The following ODF2 variants were observed in gnomAD, a reference collection of about 807,000 sequenced individuals.
ODF2 encodes the protein outer dense fiber protein 2.
In ODF2, 47 loss-of-function variants were observed where a neutral mutation model predicts 110.2. The observed-to-expected ratio is 0.43, with a 90% CI of 0.34 to 0.54. The LOEUF (loss-of-function observed/expected upper bound fraction) is 0.54. Ranked by LOEUF, ODF2 falls within the 20% of genes least tolerant of loss-of-function variation. ODF2 has a pLI of 0.03. For synonymous variants in ODF2, 352 were observed against 397.7 expected (o/e 0.89, Z 1.37); for missense variants, 812 against 1,054.5 (o/e 0.77, Z 3.19).
At chr9:128,458,640 T>C (rs1481676792) in intron 2 of ODF2, among the ~76,000 whole-genome samples, 2 of 151,108 alleles carry the variant, frequency 1.3e-5, no homozygotes, top group Admixed American at 6.6e-5. Context: ...AGCTGTACAG[T>C]ATATGTGTAA....
Position 128,494,718 on chromosome 9 carries a change from G to C in ODF2, c.1911+50G>C, listed in dbSNP as rs780168822. On this transcript the variant is annotated intron_variant, in intron 17 of 20. Transcript: ENST00000604420. The surrounding 1 kb of genome is among the most constrained non-coding windows in gnomAD (Gnocchi z 4.6). ...CACGAACTGACCCGAGCAGGGGCCCGCATACCAAGATGAGCTGCACGCCCC... is the reference window on the plus strand; with the variant it reads ...CACGAACTGACCCGAGCAGGGGCCCCCATACCAAGATGAGCTGCACGCCCC... 2.5e-6 allele frequency: 4 copies of C among 1,614,024 alleles called. No homozygotes were observed. The highest frequency in any genetic ancestry group is 1.1e-5 in the South Asian group (1 of 91,064).
rs1014052339 is a variant in ODF2 at position 128,487,876 on chromosome 9, T to C, written c.1401-14T>C. ...TTGATTCTCTCTGTCTGCTTTCACT[T>C]TGTGATCTTCCAGCCGGGTAACAGA... is the stretch of plus-strand genomic sequence containing the variant. On this transcript the variant is annotated splice_polypyrimidine_tract_variant and intron_variant, in intron 13 of 20. Coordinates refer to ENST00000604420, the Ensembl canonical transcript of ODF2. 6.2e-7 allele frequency: 1 copy of C among 1,612,808 alleles called. No individual in the cohort carries two copies. Among genetic ancestry groups the C allele is most frequent in the Non-Finnish European group, 8.5e-7 (1 of 1,179,424 alleles).
intron 4 of ODF2, among the ~76,000 whole-genome samples, chr9:128,464,156 C>CTTT (rs1288565881): frequency 8.4e-5 from 10 of 118,602 alleles, no homozygotes; most frequent in Non-Finnish European, 1.2e-4. Flanking sequence ...CCAAAAATGC[C>CTTT]TTTTTTTTTT....
intron 8 of ODF2, among the ~76,000 whole-genome samples, chr9:128,479,195 C>T (rs1156954799): frequency 3.3e-5 from 5 of 152,104 alleles, no homozygotes; most frequent in Non-Finnish European, 7.3e-5. Context: ...AACCAGAGAG[C>T]CCTTTTCTCT....
At chr9:128,483,995 T>C (rs371223560) in exon 11 of ODF2, 79 of 1,613,776 alleles carry the variant, frequency 4.9e-5, no homozygotes, top group Non-Finnish European at 6.6e-5. Flanking sequence ...GCGTGGGCAT[T>C]TGCAGGCACA....
At chr9:128,484,187 C>A in intron 11 of ODF2, 133 bp downstream of exon 11, 1 of 677,200 alleles carries the variant, frequency 1.5e-6, no homozygotes, top group East Asian at 2.6e-5. Flanking sequence ...ACAAAATACT[C>A]AGGCCTCAGA....
Position 128,485,560 on chromosome 9 carries a change from C to T in ODF2, c.1400+86C>T, listed in dbSNP as rs1156814689. ...GAGGGGCCTAGTGGCTCAGGGAAGG[C>T]CACGTGGCTGCTGTTTGTACTCTCC... On this transcript the variant is annotated intron_variant, in intron 13 of 20. Transcript: ENST00000604420. The surrounding 1 kb of genome is among the most constrained non-coding windows in gnomAD (Gnocchi z 5.0). 15 of 717,254 alleles carry T rather than the reference C, an allele frequency of 2.1e-5. No homozygotes were observed. Among genetic ancestry groups the T allele is most frequent in the Non-Finnish European group, 3.5e-5 (14 of 401,286 alleles). The allele number at this position is 717,254 out of a possible 1,614,324, so 44.4% of individuals were successfully genotyped here.
At position 128,483,540 on chromosome 9, in the gene ODF2, G is replaced by A. The variant is rs1421543218; in HGVS notation, c.988-398G>A. On this transcript the variant is annotated intron_variant, in intron 10 of 20. Coordinates refer to ENST00000604420, the Ensembl canonical transcript of ODF2. Reference sequence around the variant, plus strand: ...TGAGGCTGCAATGAGTCATGGTCACGCCACTGCACTCCAGCCTTGGCAACA... The same window carrying A: ...TGAGGCTGCAATGAGTCATGGTCACACCACTGCACTCCAGCCTTGGCAACA... Among the ~76,000 whole-genome samples, 5 of 150,052 alleles carry A rather than the reference G, an allele frequency of 3.3e-5. No individual in the cohort carries two copies. In the South Asian group the frequency reaches 1.1e-3, roughly 32 times the overall value.
chr9:128,455,553 CAAAAAAAAAAAAAAAAAAAAAAAAAA>C (rs55634490), upstream of ODF2, among the ~76,000 whole-genome samples: 13 of 56,846 alleles, frequency 2.3e-4, no homozygotes, highest in East Asian at 1.1e-3. Flanking sequence ...GAATCTGTCT[CAAAAAAAAAAAAAAAAAAAAAAAAAA>C]AAAAAAAAAA....
intron 2 of ODF2, among the ~76,000 whole-genome samples, chr9:128,458,135 G>A (rs538136126): frequency 2.0e-3 from 3 of 1,528 alleles, no homozygotes; most frequent in South Asian, 0.11. Flanking sequence ...CCCCCTGGTC[G>A]CTCCAGCCTC....
intron 3 of ODF2, chr9:128,460,232 C>T: frequency 7.5e-7 from 1 of 1,325,272 alleles, no homozygotes; most frequent in South Asian, 1.2e-5. Context: ...CTGTGCATTC[C>T]AGCAGGTTTA....
At chr9:128,498,546 G>C in exon 19 of ODF2, 1 of 1,607,970 alleles carries the variant, frequency 6.2e-7, no homozygotes, top group Non-Finnish European at 8.5e-7. Flanking sequence ...AAGGCAGTTG[G>C]AGAGTGCCAT....
At chr9:128,496,135 T>C in exon 18 of ODF2, 2 of 1,613,902 alleles carry the variant, frequency 1.2e-6, no homozygotes, top group Non-Finnish European at 1.7e-6. Flanking sequence ...GTGGATGAAC[T>C]GGAGAGGTTA....
intron 4 of ODF2, among the ~76,000 whole-genome samples, chr9:128,466,644 C>CAT (rs10591401): frequency 0.099 from 14,137 of 142,514 alleles, 796 homozygotes; most frequent in East Asian, 0.17. Context: ...CACACTTTCC[C>CAT]ATATATATAT....
chr9:128,473,409 C>G, intron 7 of ODF2: 1 of 648,346 alleles, frequency 1.5e-6, no homozygotes, highest in Non-Finnish European at 1.9e-6. Context: ...CCTTTCTCCA[C>G]CTTTGCTCGG....
At chr9:128,466,013 C>T (rs1333797429) in intron 4 of ODF2, among the ~76,000 whole-genome samples, 1 of 151,744 alleles carries the variant, frequency 6.6e-6, no homozygotes, top group African/African-American at 2.4e-5. Flanking sequence ...GGTGGTCGCG[C>T]CACCAATATC....
downstream of ODF2, chr9:128,500,525 T>C (rs1171171512): frequency 2.6e-6 from 1 of 390,658 alleles, no homozygotes; most frequent in African/African-American, 2.0e-5. Flanking sequence ...GGGTACCACA[T>C]TTTAACTTAC....
rs145248701 is a variant in ODF2, at chr9:128,470,054, A to T, written c.420+701A>T. Reference sequence around the variant, plus strand: ...ATATATATATATATATATAAATAAAAAAATTAACAAAAACAAAGCCCCAAA... The same window carrying T: ...ATATATATATATATATATAAATAAATAAATTAACAAAAACAAAGCCCCAAA... On this transcript the variant is annotated intron_variant, in intron 5 of 20. Coordinates refer to ENST00000604420, the Ensembl canonical transcript of ODF2. 1.8e-3 allele frequency among the ~76,000 whole-genome samples: 181 copies of T among 100,498 alleles called. 1 individual carries two copies. Among genetic ancestry groups the T allele is most frequent in the African/African-American group, 2.3e-3 (67 of 28,624 alleles). The allele number at this position is 100,498 out of a possible 152,430, so 65.9% of individuals were successfully genotyped here.
At chr9:128,473,015 G>A (rs1840401949) in exon 7 of ODF2, 1 of 1,614,114 alleles carries the variant, frequency 6.2e-7, no homozygotes. Context: ...TCATGGCCTT[G>A]AAGGATACCA....
Sources: allele counts gnomAD v4.1 joint callset (sites outside exome capture counted in the v4.1 genomes callset), GRCh38; gene constraint gnomAD v4.1.1; non-coding constraint Gnocchi (gnomAD v3.1); transcripts MANE v1.5; gene names NCBI Gene and HGNC (gene_info 2026-07-23, HGNC 2026-07-21).